Variants in TTC7B observed in about 807,000 individuals in gnomAD.
TTC7B encodes the protein tetratricopeptide repeat protein 7B.
TTC7B carries 28 observed loss-of-function variants against 106.8 expected under a neutral mutation model. The ratio of observed to expected loss-of-function variants is 0.26; its 90% CI spans 0.19 to 0.36. The LOEUF (loss-of-function observed/expected upper bound fraction) is 0.36, where lower values mean the gene tolerates loss of function less well. Among genes scored for constraint, TTC7B ranks in the 10% least tolerant of loss-of-function variants. TTC7B has a pLI of 1.00. For synonymous variants in TTC7B, 405 were observed against 430.6 expected (o/e 0.94, Z 0.74); for missense variants, 862 against 1,076.4 (o/e 0.80, Z 2.79).
chr14:90,608,431 C>T lies in TTC7B; in HGVS notation c.1966+2311G>A, dbSNP rs186230915. 4.1e-4 allele frequency among the ~76,000 whole-genome samples: 63 copies of T among 152,062 alleles called. No individual in the cohort carries two copies. The highest frequency in any genetic ancestry group is 1.5e-3 in the African/African-American group (62 of 41,460). ...GTGGCAGGAGTCTCAGAAGGACTCG[C>T]GTGGATGACTCAACAATGAAACCGT... On this transcript the variant is annotated intron_variant, in intron 17 of 19. Coordinates refer to ENST00000328459, the MANE Select transcript of TTC7B (RefSeq NM_001010854.2). This position sits in a 1 kb window ranked among gnomAD's most constrained non-coding sequence, Gnocchi z 5.1.
chr14:90,601,794 C>T (rs1188964529), intron 17 of TTC7B, among the ~76,000 whole-genome samples: 1 of 152,194 alleles, frequency 6.6e-6, no homozygotes, highest in Non-Finnish European at 1.5e-5. Flanking sequence ...CTGACTCGCC[C>T]TTAAAACCAG....
intron 18 of TTC7B, among the ~76,000 whole-genome samples, chr14:90,582,705 T>C (rs1723781751): frequency 6.6e-6 from 1 of 152,220 alleles, no homozygotes; most frequent in Non-Finnish European, 1.5e-5. Context: ...GCAGCTCTAT[T>C]TTGCCAGGTC....
chr14:90,776,516 C>G (rs962515437), intron 3 of TTC7B, among the ~76,000 whole-genome samples: 3 of 152,202 alleles, frequency 2.0e-5, no homozygotes, highest in Admixed American at 6.5e-5. Context: ...CATCAAATAT[C>G]ATTGACTCTT....
intron 1 of TTC7B, among the ~76,000 whole-genome samples, chr14:90,799,978 G>A (rs1224298063): frequency 6.6e-6 from 1 of 152,004 alleles, no homozygotes; most frequent in South Asian, 2.1e-4. Flanking sequence ...TACTACAGGC[G>A]CCCGCCACCA....
At chr14:90,732,554 T>C (rs563800050) in intron 4 of TTC7B, among the ~76,000 whole-genome samples, 26 of 152,302 alleles carry the variant, frequency 1.7e-4, no homozygotes, top group Admixed American at 3.3e-4. Flanking sequence ...ATTCTTGTAT[T>C]TTTTGTAGAG....
chr14:90,631,531 C>T (rs149149856), intron 15 of TTC7B, among the ~76,000 whole-genome samples: 104 of 151,924 alleles, frequency 6.8e-4, no homozygotes, highest in African/African-American at 2.4e-3. Flanking sequence ...GCCTTAGCCA[C>T]CCGAGAAGCT....
chr14:90,786,200 C>A lies in TTC7B; in HGVS notation c.250G>T (p.Ala84Ser). 1 of 1,583,652 alleles carries A rather than the reference C, an allele frequency of 6.3e-7. No individual in the cohort carries two copies. The highest frequency in any genetic ancestry group is 8.6e-7 in the Non-Finnish European group (1 of 1,166,872). ...TTAAGGTTCCCTCGGTCCAGGGCGG[C>A]GGTCAGATGCTTGCGGACCTCAGTC... ...QLTEVRKHLTAALDRGNLKSE... is the reference protein window; with the variant it reads ...QLTEVRKHLTSALDRGNLKSE... The change falls in exon 2 of 20, where the codon GCC (alanine) becomes TCC (serine). Residue 84 changes from alanine (A) to serine (S), a missense_variant. Coordinates refer to ENST00000328459, the MANE Select transcript of TTC7B (RefSeq NM_001010854.2).
intron 5 of TTC7B, among the ~76,000 whole-genome samples, chr14:90,723,757 T>C (rs557716456): frequency 6.6e-6 from 1 of 152,320 alleles, no homozygotes; most frequent in Admixed American, 6.5e-5. Flanking sequence ...CTATTCCAAT[T>C]TGTAATTATA....
At chr14:90,609,069 T>C (rs1193098964) in intron 17 of TTC7B, among the ~76,000 whole-genome samples, 1 of 152,210 alleles carries the variant, frequency 6.6e-6, no homozygotes, top group Non-Finnish European at 1.5e-5. Context: ...CCTGACAGCC[T>C]GACCTCTTTC....
intron 5 of TTC7B, among the ~76,000 whole-genome samples, chr14:90,716,721 G>A (rs1309747066): frequency 1.3e-5 from 2 of 152,124 alleles, no homozygotes; most frequent in Non-Finnish European, 2.9e-5. Flanking sequence ...GTTTTTCTGG[G>A]TATTCTTCAG....
rs2139752299 is a variant in TTC7B, at chr14:90,533,738, G to A, written c.*7630C>T. The A allele has an allele frequency of 6.6e-6, 1 of 152,538 alleles. No individual in the cohort carries two copies. Among genetic ancestry groups the A allele is most frequent in the South Asian group, 2.1e-4 (1 of 4,826 alleles). 9.4% of individuals were successfully genotyped at this position (152,538 alleles called of 1,614,324 possible). On this transcript the variant is annotated 3_prime_UTR_variant, in exon 20 of 20. Coordinates refer to ENST00000328459, the MANE Select transcript of TTC7B (RefSeq NM_001010854.2). ...GGTCAAGGGCCAAACAGCAGAAGAT[G>A]AGGGAGACGAGGAGGGTGGTGGGGG...
chr14:90,787,154 C>T (rs1891420975), intron 1 of TTC7B, among the ~76,000 whole-genome samples: 1 of 152,174 alleles, frequency 6.6e-6, no homozygotes. Flanking sequence ...TCGTCTGTTT[C>T]TGTCTAAAAG....
At chr14:90,650,960 C>A (rs2139891601) in intron 13 of TTC7B, among the ~76,000 whole-genome samples, 1 of 152,306 alleles carries the variant, frequency 6.6e-6, no homozygotes, top group South Asian at 2.1e-4. Context: ...TTCTGGCAGT[C>A]ATAATTAAGA....
chr14:90,547,760 G>C (rs1218098971), intron 19 of TTC7B, among the ~76,000 whole-genome samples: 1 of 152,088 alleles, frequency 6.6e-6, no homozygotes, highest in Non-Finnish European at 1.5e-5. Flanking sequence ...TTGTGCCACT[G>C]CACTCCATCC....
At chr14:90,561,712 T>C (rs1890591714) in intron 19 of TTC7B, among the ~76,000 whole-genome samples, 2 of 152,176 alleles carry the variant, frequency 1.3e-5, no homozygotes, top group Admixed American at 6.5e-5. Flanking sequence ...CTGACACTTA[T>C]CCAAGAGTGA....
intron 19 of TTC7B, among the ~76,000 whole-genome samples, chr14:90,554,924 G>A (rs151113639): frequency 6.6e-6 from 1 of 152,178 alleles, no homozygotes; most frequent in East Asian, 1.9e-4. Flanking sequence ...GACTCTTAGT[G>A]ATCACATCTG....
At chr14:90,749,372 G>C (rs978270002) in intron 3 of TTC7B, among the ~76,000 whole-genome samples, 32 of 149,384 alleles carry the variant, frequency 2.1e-4, no homozygotes, top group Non-Finnish European at 1.3e-4. Context: ...GATCACTTAT[G>C]GTCTTTCCAC....
intron 19 of TTC7B, among the ~76,000 whole-genome samples, chr14:90,568,241 A>C (rs917104763): frequency 2.6e-5 from 4 of 152,214 alleles, no homozygotes; most frequent in African/African-American, 9.7e-5. Flanking sequence ...AATCGGGACC[A>C]GAATCTGAGA....
At chr14:90,579,973 C>A (rs1471267082) in intron 18 of TTC7B, among the ~76,000 whole-genome samples, 1 of 152,258 alleles carries the variant, frequency 6.6e-6, no homozygotes, top group Admixed American at 6.5e-5. Flanking sequence ...TCCACAGCTG[C>A]TGCCAGGTTA....
Sources: allele counts gnomAD v4.1 joint callset (sites outside exome capture counted in the v4.1 genomes callset), GRCh38; gene constraint gnomAD v4.1.1; non-coding constraint Gnocchi (gnomAD v3.1); transcripts MANE v1.5; gene names NCBI Gene and HGNC (gene_info 2026-07-23, HGNC 2026-07-21).